UXS1: variants seen among roughly 807,000 people sequenced by gnomAD.
UXS1 encodes the protein UDP-glucuronic acid decarboxylase 1.
UXS1 carries 33 observed loss-of-function variants against 62.6 expected under a neutral mutation model. The observed-to-expected ratio is 0.53, with a 90% CI of 0.40 to 0.70. The LOEUF is 0.70. Among genes scored for constraint, UXS1 ranks in the 30% least tolerant of loss-of-function variants. UXS1 has a pLI of 0.00. For synonymous variants in UXS1, 213 were observed against 206.8 expected (o/e 1.03, Z -0.26); for missense variants, 434 against 556.3 (o/e 0.78, Z 2.21).
intron 1 of UXS1, among the ~76,000 whole-genome samples, chr2:106,175,047 C>T (rs1389785245): frequency 2.6e-5 from 4 of 152,234 alleles, no homozygotes; most frequent in Non-Finnish European, 5.9e-5. Context: ...TGAGTGACAT[C>T]AACCTCCATG....
intron 6 of UXS1, among the ~76,000 whole-genome samples, chr2:106,136,791 T>C (rs1307060821): frequency 4.1e-5 from 3 of 72,554 alleles, no homozygotes; most frequent in African/African-American, 1.7e-4. Flanking sequence ...AGGGATAGCA[T>C]TGGGAGATAT....
At position 106,094,153 on chromosome 2, in the gene UXS1, G is replaced by A. The variant is rs773625425; in HGVS notation, c.1151C>T (p.Pro384Leu). The change falls in exon 15 of 15, where the codon CCG becomes CTG. Residue 384 changes from proline to leucine, a missense_variant. Transcript: ENST00000283148. ...TGCTTTGTTTAAACCTTCCTCCAGC[G>A]GGACCTGTTTAAAGGGAAAGCAAGA... Reference protein sequence around the residue: ...KLMLGWEPVVPLEEGLNKAIH... With the variant: ...KLMLGWEPVVLLEEGLNKAIH... 3.7e-6 allele frequency: 6 copies of A among 1,609,128 alleles called. No individual in the cohort carries two copies. Among genetic ancestry groups the A allele is most frequent in the East Asian group, 2.2e-5 (1 of 44,670 alleles).
At chr2:106,111,000 G>A (rs11687271) in intron 10 of UXS1, among the ~76,000 whole-genome samples, 36,303 of 152,176 alleles carry the variant, frequency 0.24, 4,739 homozygotes, top group Non-Finnish European at 0.29. Flanking sequence ...AAGGAAGCCC[G>A]GCCTGAGGGA....
intron 1 of UXS1, chr2:106,179,616 T>C (rs182432739): frequency 2.0e-5 from 3 of 152,376 alleles, no homozygotes; most frequent in Admixed American, 6.5e-5. Flanking sequence ...GTTCTAAATA[T>C]TGCATTCTAT....
rs770254892 is a variant in UXS1, at chr2:106,123,128, C to T, written c.638-37G>A. 3 of 1,611,672 alleles carry T rather than the reference C, an allele frequency of 1.9e-6. No homozygotes were observed. The South Asian group carries it at 3.3e-5, about 18-fold the overall frequency. ...GAAAAGTGAGACTGTTTTCATCTTT[C>T]CTTTTTCCAGTTCATATCAATAATG... is the stretch of plus-strand genomic sequence containing the variant. On this transcript the variant is annotated intron_variant, in intron 8 of 14. Transcript: ENST00000283148.
chr2:106,117,066 C>T (rs1027845109), intron 9 of UXS1, among the ~76,000 whole-genome samples: 14 of 152,338 alleles, frequency 9.2e-5, no homozygotes, highest in African/African-American at 2.6e-4. Context: ...CCTCTCCCCA[C>T]GTCTGTGTGG....
At position 106,143,408 on chromosome 2, in the gene UXS1, C is replaced by CAAAA. The variant is rs60493984; in HGVS notation, c.472+1778_472+1781dup. On this transcript the variant is annotated intron_variant, in intron 6 of 14. Coordinates refer to ENST00000283148, the MANE Select transcript of UXS1 (RefSeq NM_001253875.2). ...TGGGCAACAGAGAGAGACTCCGTCT[C>CAAAA]AAAAAAAAAAAAAAAAAAAAAAAAA... 3.2e-3 allele frequency among the ~76,000 whole-genome samples: 123 copies of CAAAA among 38,642 alleles called. 21 individuals carry two copies. The highest frequency in any genetic ancestry group is 9.1e-3 in the African/African-American group (77 of 8,422). 25.4% of individuals were successfully genotyped at this position (38,642 alleles called of 152,430 possible).
At chr2:106,124,877 C>A (rs760972419) in intron 8 of UXS1, among the ~76,000 whole-genome samples, 27 of 152,152 alleles carry the variant, frequency 1.8e-4, no homozygotes, top group Non-Finnish European at 3.2e-4. Flanking sequence ...AAAAAAAAGT[C>A]TCTTCTGATT....
intron 1 of UXS1, among the ~76,000 whole-genome samples, chr2:106,171,474 T>A (rs139026312): frequency 2.1e-3 from 322 of 152,316 alleles, no homozygotes; most frequent in African/African-American, 7.2e-3. Flanking sequence ...AATTGTGTGT[T>A]CACAGGTCTC....
At chr2:106,155,435 G>A (rs1682354475) in intron 5 of UXS1, among the ~76,000 whole-genome samples, 1 of 152,142 alleles carries the variant, frequency 6.6e-6, no homozygotes, top group Non-Finnish European at 1.5e-5. Context: ...TACCAAATAG[G>A]AAATTAGTTA....
chr2:106,117,062 C>T (rs182559682), intron 9 of UXS1, among the ~76,000 whole-genome samples: 188 of 152,312 alleles, frequency 1.2e-3, no homozygotes, highest in African/African-American at 4.0e-3. Context: ...TTCTCCTCTC[C>T]CCACGTCTGT....
At chr2:106,117,878 C>T (rs1238102915) in intron 9 of UXS1, among the ~76,000 whole-genome samples, 2 of 152,264 alleles carry the variant, frequency 1.3e-5, no homozygotes, top group Non-Finnish European at 2.9e-5. Flanking sequence ...TGTGCTGAAG[C>T]ACGATTCTCA....
At chr2:106,181,274 C>T (rs752951483) in intron 1 of UXS1, among the ~76,000 whole-genome samples, 2 of 152,312 alleles carry the variant, frequency 1.3e-5, no homozygotes, top group East Asian at 3.9e-4. Context: ...TGGCTCAGGG[C>T]GGGGCTCTGG....
At chr2:106,166,184 A>C in intron 1 of UXS1, 101 bp from the exon 2 acceptor site, 2 of 1,186,314 alleles carry the variant, frequency 1.7e-6, no homozygotes, top group Non-Finnish European at 2.4e-6. Flanking sequence ...TAAATTTTAC[A>C]AAGAAAATTA....
chr2:106,177,193 C>CT (rs1683935761), intron 1 of UXS1, among the ~76,000 whole-genome samples: 5 of 31,520 alleles, frequency 1.6e-4, no homozygotes, highest in East Asian at 1.0e-3. Context: ...TTTTTTTTTT[C>CT]TTTTTTCTTT....
chr2:106,190,943 CAGAA>C (rs879381947), intron 1 of UXS1, among the ~76,000 whole-genome samples: 5,605 of 152,094 alleles, frequency 0.037, 154 homozygotes, highest in Non-Finnish European at 0.059. Context: ...GCACAAAGGG[CAGAA>C]ACTGAGTTCT....
At chr2:106,101,636 A>G (rs1223705863) in intron 11 of UXS1, 3 of 152,870 alleles carry the variant, frequency 2.0e-5, no homozygotes, top group African/African-American at 7.2e-5. Flanking sequence ...GGCAAACAAT[A>G]CTGAGGGTTG....
In UXS1 at chr2:106,093,885, T is replaced by C. The variant is rs1180272628; in HGVS notation, c.*141A>G. ...GGAGCTTTTAGGCACATCCATTTCA[T>C]TAAAGCAAGCTTCAGAATGAAATTC... On this transcript the variant is annotated 3_prime_UTR_variant, in exon 15 of 15. Coordinates refer to ENST00000283148, the MANE Select transcript of UXS1 (RefSeq NM_001253875.2). 1.6e-6 allele frequency: 2 copies of C among 1,236,530 alleles called. No individual in the cohort carries two copies. The highest frequency in any genetic ancestry group is 2.1e-6 in the Non-Finnish European group (2 of 936,814). 76.6% of individuals were successfully genotyped at this position (1,236,530 alleles called of 1,614,324 possible).
chr2:106,152,986 G>T (rs1349901055), intron 5 of UXS1, among the ~76,000 whole-genome samples: 1 of 152,208 alleles, frequency 6.6e-6, no homozygotes, highest in East Asian at 1.9e-4. Context: ...ACTGAAAACA[G>T]TGCACTCAAA....
Sources: allele counts gnomAD v4.1 joint callset (sites outside exome capture counted in the v4.1 genomes callset), GRCh38; gene constraint gnomAD v4.1.1; transcripts MANE v1.5; gene names NCBI Gene and HGNC (gene_info 2026-07-23, HGNC 2026-07-21).